MROH9: variants seen among roughly 807,000 people sequenced by gnomAD.
The protein encoded by MROH9 is maestro heat-like repeat-containing protein family member 9.
In MROH9, 92 loss-of-function variants were observed where a neutral mutation model predicts 98.2. The observed-to-expected ratio is 0.94, with a 90% CI of 0.79 to 1.11. The LOEUF (loss-of-function observed/expected upper bound fraction) is 1.11, where lower values mean the gene tolerates loss of function less well. Ranked by LOEUF, MROH9 falls within the 50% of genes most tolerant of loss-of-function variation. The pLI is 0.00. For missense variants in MROH9, 1,057 were observed against 1,014.8 expected, an observed-to-expected ratio of 1.04 and a Z score of -0.57; for synonymous variants, 397 against 368.9, an observed-to-expected ratio of 1.08 and a Z score of -0.87.
chr1:170,979,990 G>A (rs747724897), intron 8 of MROH9, among the ~76,000 whole-genome samples: 5 of 152,078 alleles, frequency 3.3e-5, no homozygotes, highest in African/African-American at 7.2e-5. Flanking sequence ...ATTTACAATC[G>A]CTACAAAGAG....
chr1:170,943,365 ACC>A (rs1057278241), intron 1 of MROH9, among the ~76,000 whole-genome samples: 1 of 152,054 alleles, frequency 6.6e-6, no homozygotes, highest in African/African-American at 2.4e-5. Flanking sequence ...AGAATAAAGG[ACC>A]AAACTGAGGT....
intron 17 of MROH9, 61 bp from the exon 18 acceptor site, chr1:171,024,334 A>T: frequency 8.8e-7 from 1 of 1,133,208 alleles, no homozygotes. Context: ...GTGTGTGTAG[A>T]TTACTGATTG....
rs1651521000 is a variant in MROH9 at position 170,995,286 on chromosome 1, TGAA to T, written c.1195-101_1195-99del. 5 of 1,276,918 alleles carry T rather than the reference TGAA, an allele frequency of 3.9e-6. No homozygotes were observed. In the South Asian group the frequency reaches 6.9e-5, roughly 18 times the overall value. The allele number at this position is 1,276,918 out of a possible 1,614,324, so 79.1% of individuals were successfully genotyped here. A position where few individuals can be genotyped will look rare whatever the true frequency, so the allele number is the denominator to read the frequency against. ...TGCTTTAGGTTTTCTTCAAGGAGGCTGAAGGAGGGGTTGCAGAGTCACTCTCTT... is the reference window on the plus strand; with the variant it reads ...TGCTTTAGGTTTTCTTCAAGGAGGCTGGAGGGGTTGCAGAGTCACTCTCTT... On this transcript the variant is annotated intron_variant, in intron 12 of 21. Coordinates refer to ENST00000367759, the MANE Select transcript of MROH9 (RefSeq NM_001163629.2).
Position 171,064,387 on chromosome 1 carries a change from A to C in MROH9, c.*47A>C. On this transcript the variant is annotated 3_prime_UTR_variant, in exon 22 of 22. Coordinates refer to ENST00000367759, the MANE Select transcript of MROH9 (RefSeq NM_001163629.2). ...ATCATTCATAAACAATGGGAAGTCCAACAATGTCTTGGAGCTGACCTTAGA... is the reference window on the plus strand; with the variant it reads ...ATCATTCATAAACAATGGGAAGTCCCACAATGTCTTGGAGCTGACCTTAGA... The C allele has an allele frequency of 1.4e-6, 2 of 1,479,954 alleles. No homozygotes were observed. The highest frequency in any genetic ancestry group is 1.4e-5 in the African/African-American group (1 of 69,950). The allele number at this position is 1,479,954 out of a possible 1,614,324, so 91.7% of individuals were successfully genotyped here.
intron 19 of MROH9, 104 bp downstream of exon 19, chr1:171,024,869 GA>G: frequency 3.1e-6 from 2 of 653,190 alleles, no homozygotes; most frequent in South Asian, 2.1e-5. Flanking sequence ...GATCTTGGAG[GA>G]AAAAAATGGA....
At chr1:170,970,411 C>A (rs1408569673) in intron 7 of MROH9, among the ~76,000 whole-genome samples, 1 of 151,480 alleles carries the variant, frequency 6.6e-6, no homozygotes, top group Non-Finnish European at 1.5e-5. Flanking sequence ...ACTTGGAATG[C>A]AAACCCAAAG....
At chr1:170,999,853 G>A (rs59839637) in intron 15 of MROH9, among the ~76,000 whole-genome samples, 1 of 151,766 alleles carries the variant, frequency 6.6e-6, no homozygotes, top group South Asian at 2.1e-4. Flanking sequence ...ACTGTTTTTT[G>A]ATTTTCTTGA....
intron 21 of MROH9, among the ~76,000 whole-genome samples, chr1:171,062,922 AG>A (rs1269537384): frequency 3.9e-4 from 59 of 151,958 alleles, no homozygotes; most frequent in Non-Finnish European, 6.5e-4. Flanking sequence ...ATCCCCCACC[AG>A]AGTAGTACAT....
intron 10 of MROH9, among the ~76,000 whole-genome samples, chr1:170,989,147 A>T (rs921649497): frequency 6.6e-6 from 1 of 152,202 alleles, no homozygotes; most frequent in African/African-American, 2.4e-5. Flanking sequence ...AATCTCTGTT[A>T]GTCTAAAATT....
At chr1:171,057,940 C>A (rs1352376125) in intron 20 of MROH9, among the ~76,000 whole-genome samples, 4 of 151,928 alleles carry the variant, frequency 2.6e-5, no homozygotes, top group African/African-American at 9.7e-5. Flanking sequence ...TACCACCAGG[C>A]CTGCCCGAAA....
chr1:171,024,758 AC>A lies in MROH9; in HGVS notation c.2172del (p.Asn724LysfsTer14). The A allele has an allele frequency of 6.5e-7, 1 of 1,538,050 alleles. No homozygotes were observed. Among genetic ancestry groups the A allele is most frequent in the Non-Finnish European group, 8.8e-7 (1 of 1,135,320 alleles). ...GAGATGGTGGTGCTCAATATCTGTA[AC>A]AATCTTGTAAGTGGCCCTTCCATTT... ...SFEMVVLNIC[N>X]NLIISHRNYI... On this transcript the variant is annotated frameshift_variant, in exon 19 of 22. Coordinates refer to ENST00000367759, the MANE Select transcript of MROH9 (RefSeq NM_001163629.2). LOFTEE classifies it high-confidence loss of function.
intron 21 of MROH9, among the ~76,000 whole-genome samples, 164 bp from the exon 22 acceptor site, chr1:171,063,935 C>A (rs916655530): frequency 6.6e-6 from 1 of 152,070 alleles, no homozygotes; most frequent in Non-Finnish European, 1.5e-5. Flanking sequence ...GATGATAAAA[C>A]TTCCTGAATG....
intron 1 of MROH9, among the ~76,000 whole-genome samples, chr1:170,936,988 A>G (rs1648910703): frequency 6.6e-6 from 1 of 152,204 alleles, no homozygotes; most frequent in South Asian, 2.1e-4. Flanking sequence ...TTATGACTTG[A>G]GTTTATCTGT....
intron 10 of MROH9, 105 bp downstream of exon 10, chr1:170,986,815 G>T (rs1405251895): frequency 7.9e-7 from 1 of 1,258,262 alleles, no homozygotes. Context: ...TCTTGTCATT[G>T]TTCATTATAT....
chr1:171,048,525 C>T (rs1385215547), intron 20 of MROH9, among the ~76,000 whole-genome samples: 2 of 152,078 alleles, frequency 1.3e-5, no homozygotes, highest in African/African-American at 2.4e-5. Flanking sequence ...GCCTGGCCCA[C>T]GATTCACCCT....
rs533624471 is a variant in MROH9, at chr1:170,936,060, C to T, written c.-38+473C>T. 3.2e-4 allele frequency among the ~76,000 whole-genome samples: 48 copies of T among 149,860 alleles called. 1 individual carries two copies. In the South Asian group the frequency reaches 9.8e-3, roughly 31 times the overall value. On this transcript the variant is annotated intron_variant, in intron 1 of 21. Coordinates refer to ENST00000367759, the MANE Select transcript of MROH9 (RefSeq NM_001163629.2). ...ATGGGCCCTCATCCAGAAATCTTGC[C>T]AAAGTTGGCAATTGGAAGAATTTGT...
chr1:171,058,310 A>G (rs1437476391), intron 20 of MROH9, among the ~76,000 whole-genome samples: 3 of 151,582 alleles, frequency 2.0e-5, no homozygotes, highest in Non-Finnish European at 4.4e-5. Flanking sequence ...TTCAAGGAGA[A>G]TTACAAACCA....
chr1:171,044,480 A>G (rs1653401233), intron 20 of MROH9, among the ~76,000 whole-genome samples: 1 of 152,198 alleles, frequency 6.6e-6, no homozygotes, highest in Non-Finnish European at 1.5e-5. Context: ...GCCTCACAGA[A>G]TGATATTGGA....
At chr1:170,959,115 C>T (rs1649905364) in intron 4 of MROH9, among the ~76,000 whole-genome samples, 1 of 152,146 alleles carries the variant, frequency 6.6e-6, no homozygotes, top group Admixed American at 6.5e-5. Flanking sequence ...GTGGCTCACA[C>T]CTCTAATCCC....
Sources: gnomAD v4.1 joint callset for allele counts (sites outside exome capture counted in the v4.1 genomes callset) on GRCh38, gnomAD v4.1.1 for gene constraint, MANE v1.5 for transcripts, NCBI Gene and HGNC (gene_info 2026-07-23, HGNC 2026-07-21) for gene names.